Variants in EPS15 observed in about 807,000 individuals in gnomAD.
EPS15 encodes the protein epidermal growth factor receptor substrate 15.
EPS15 carries 72 observed loss-of-function variants against 113.8 expected under a neutral mutation model. The observed-to-expected ratio is 0.63, with a 90% CI of 0.52 to 0.77. The LOEUF (loss-of-function observed/expected upper bound fraction) is 0.77. Among genes scored for constraint, EPS15 ranks in the 30% least tolerant of loss-of-function variants. The pLI is 0.00. For missense variants in EPS15, 1,048 were observed against 1,045.8 expected (o/e 1.00, Z -0.03); for synonymous variants, 344 against 363.4 (o/e 0.95, Z 0.61).
intron 12 of EPS15, among the ~76,000 whole-genome samples, chr1:51,428,295 A>G (rs1297066200): frequency 1.3e-5 from 2 of 152,242 alleles, no homozygotes; most frequent in African/African-American, 4.8e-5. Flanking sequence ...ACTGAAAGCC[A>G]TATGAAGATA....
intron 1 of EPS15, among the ~76,000 whole-genome samples, chr1:51,488,526 A>T (rs1291214279): frequency 1.3e-5 from 2 of 151,478 alleles, no homozygotes; most frequent in Non-Finnish European, 2.9e-5. Context: ...AGGTATTCAA[A>T]GCCCATTCTA....
At chr1:51,508,012 T>C (rs1216649888) in intron 1 of EPS15, among the ~76,000 whole-genome samples, 1 of 151,672 alleles carries the variant, frequency 6.6e-6, no homozygotes, top group Non-Finnish European at 1.5e-5. Flanking sequence ...CCCTCTCTAC[T>C]AAAAATACAA....
At chr1:51,515,363 C>T (rs563222607) in intron 1 of EPS15, among the ~76,000 whole-genome samples, 26 of 151,960 alleles carry the variant, frequency 1.7e-4, no homozygotes, top group Admixed American at 1.4e-3. Context: ...GTCCCAGCTA[C>T]TCAGGAGGCT....
At chr1:51,370,029 C>T (rs938839752) in intron 21 of EPS15, among the ~76,000 whole-genome samples, 2 of 152,162 alleles carry the variant, frequency 1.3e-5, no homozygotes, top group African/African-American at 4.8e-5. Flanking sequence ...ACAAATAATT[C>T]CCTGAAAAAC....
chr1:51,492,954 G>A (rs979704278), intron 1 of EPS15, among the ~76,000 whole-genome samples: 3 of 151,954 alleles, frequency 2.0e-5, no homozygotes, highest in African/African-American at 4.8e-5. Flanking sequence ...ACAGCCGGGC[G>A]CGGTGGCTCA....
At chr1:51,404,132 G>C (rs1420819083) in intron 16 of EPS15, among the ~76,000 whole-genome samples, 1 of 152,144 alleles carries the variant, frequency 6.6e-6, no homozygotes, top group Non-Finnish European at 1.5e-5. Context: ...AGATCACAAG[G>C]TCAGGAGATC....
intron 2 of EPS15, 124 bp from the exon 3 acceptor site, chr1:51,473,072 G>C: frequency 2.8e-6 from 2 of 715,206 alleles, no homozygotes; most frequent in African/African-American, 1.8e-5. Context: ...AGAATCCTTT[G>C]ACTACCATGG....
At chr1:51,422,028 C>A in intron 12 of EPS15, 170 bp from the exon 13 acceptor site, 2 of 1,288,688 alleles carry the variant, frequency 1.6e-6, no homozygotes, top group Non-Finnish European at 2.0e-6. Flanking sequence ...AAATAAAAAT[C>A]AATATAAGCT....
chr1:51,447,150 A>C (rs369765985), intron 9 of EPS15, 45 bp from the exon 10 acceptor site: 2 of 1,532,294 alleles, frequency 1.3e-6, no homozygotes, highest in Non-Finnish European at 1.8e-6. Context: ...AATGAAACAA[A>C]CTTTGAAGTG....
intron 13 of EPS15, among the ~76,000 whole-genome samples, chr1:51,420,441 T>C (rs958266730): frequency 6.6e-6 from 1 of 152,150 alleles, no homozygotes; most frequent in Non-Finnish European, 1.5e-5. Context: ...CTGGCTAAAT[T>C]TAGAAGCTGT....
chr1:51,357,406 ATATATATATATATATATATATT>A (rs927181040), intron 24 of EPS15, among the ~76,000 whole-genome samples: 3 of 54,204 alleles, frequency 5.5e-5, no homozygotes, highest in African/African-American at 2.0e-4. Flanking sequence ...ATATATATAT[ATATATATATATATATATATATT>A]TTTTTTTTTT....
At chr1:51,404,450 A>G (rs1648903264) in intron 16 of EPS15, among the ~76,000 whole-genome samples, 1 of 152,156 alleles carries the variant, frequency 6.6e-6, no homozygotes, top group African/African-American at 2.4e-5. Context: ...ATAACCTAGT[A>G]ATCTGCCTTT....
chr1:51,427,913 A>G (rs904882133), intron 12 of EPS15, among the ~76,000 whole-genome samples: 4 of 152,230 alleles, frequency 2.6e-5, no homozygotes, highest in Admixed American at 1.3e-4. Flanking sequence ...TAGGATAAAC[A>G]CAAAAAGACT....
Position 51,466,629 on chromosome 1 carries a change from A to T in EPS15, c.310-1303T>A, listed in dbSNP as rs141028616. Among the ~76,000 whole-genome samples, 561 of 151,974 alleles carry T rather than the reference A, an allele frequency of 3.7e-3. 4 individuals carry two copies. The highest frequency in any genetic ancestry group is 0.01 in the African/African-American group (423 of 41,456). ...CAAGAGCGAAACTCCCTCTCAAAAAAAAATAAATAAATAAATAAAAATAAA... is the reference window on the plus strand; with the variant it reads ...CAAGAGCGAAACTCCCTCTCAAAAATAAATAAATAAATAAATAAAAATAAA... On this transcript the variant is annotated intron_variant, in intron 5 of 24. Transcript: ENST00000371733.
rs1200883568 is a variant in EPS15, at chr1:51,361,227, C to T, written c.2488G>A (p.Ala830Thr). The T allele has an allele frequency of 6.8e-6, 11 of 1,614,040 alleles. No individual in the cohort carries two copies. Among genetic ancestry groups the T allele is most frequent in the East Asian group, 2.2e-5 (1 of 44,860 alleles). Residue 830 changes from alanine to threonine, a missense_variant, in exon 24 of 25, where the codon GCT becomes ACT. Transcript: ENST00000371733. ...PEIFCDPFTS[A>T]TTTTNKEADP... ...GCCTCTTTATTGGTAGTGGTAGTAG[C>T]AGAAGTGAATGGATCACAAAATATT...
intron 21 of EPS15, among the ~76,000 whole-genome samples, chr1:51,376,179 C>T (rs1646793768): frequency 6.6e-6 from 1 of 152,332 alleles, no homozygotes; most frequent in Admixed American, 6.5e-5. Context: ...GCAGCTGTGG[C>T]AACTTTTAAG....
chr1:51,426,374 C>T (rs1335377906), intron 12 of EPS15, among the ~76,000 whole-genome samples: 1 of 147,314 alleles, frequency 6.8e-6, no homozygotes, highest in Non-Finnish European at 1.5e-5. Context: ...TGACCAATGC[C>T]AAAGCAGTCA....
At chr1:51,505,804 T>C (rs1174831949) in intron 1 of EPS15, among the ~76,000 whole-genome samples, 4 of 152,150 alleles carry the variant, frequency 2.6e-5, no homozygotes, top group South Asian at 2.1e-4. Context: ...TATTTATTTA[T>C]TTATTTTTTG....
chr1:51,465,315 A>G lies in EPS15; in HGVS notation c.321T>C (p.Ser107=), dbSNP rs112436159. 1.2e-6 allele frequency: 2 copies of G among 1,609,276 alleles called. No individual in the cohort carries two copies. The highest frequency in any genetic ancestry group is 1.1e-5 in the South Asian group (1 of 90,624). ...AGGTTCCACTGATTAGCAAAGGACT[A>G]CTGGTATCATGCTATAGAAGAAAGT... is the stretch of plus-strand genomic sequence containing the variant. ...AVPPPRFHDT[S]SPLLISGTSA... The change falls in exon 6 of 25, where the codon AGT becomes AGC. Residue 107 remains serine, a synonymous_variant. Transcript: ENST00000371733.
Sources: allele counts gnomAD v4.1 joint callset (sites outside exome capture counted in the v4.1 genomes callset), GRCh38; gene constraint gnomAD v4.1.1; transcripts MANE v1.5; gene names NCBI Gene and HGNC (gene_info 2026-07-23, HGNC 2026-07-21).